The following SLC38A12 variants were observed in gnomAD, a reference collection of about 807,000 sequenced individuals.
SLC38A12 encodes the protein solute carrier family 38 member 12.
chr17:74,819,655 T>G, the SLC38A12 span: 1 of 1,238,944 alleles, frequency 8.1e-7, no homozygotes, highest in Non-Finnish European at 1.2e-6. Flanking sequence ...CGGCCTTAGC[T>G]ATGGGCGGAG....
chr17:74,795,776 T>A, the SLC38A12 span: 1 of 663,680 alleles, frequency 1.5e-6, no homozygotes, highest in Non-Finnish European at 2.6e-6. Context: ...CACTGGGGCC[T>A]TGGCCCCAGG....
the SLC38A12 span, chr17:74,838,423 C>T: frequency 9.9e-6 from 10 of 1,010,006 alleles, no homozygotes; most frequent in South Asian, 1.7e-4. Context: ...CAATTACGTT[C>T]CCTCTTGCTT....
the SLC38A12 span, among the ~76,000 whole-genome samples, chr17:74,831,825 C>T: frequency 1.3e-5 from 2 of 152,254 alleles, no homozygotes; most frequent in African/African-American, 2.4e-5. Flanking sequence ...GCAGCCTCCA[C>T]GAGGTGGGCG....
At chr17:74,826,845 G>A in the SLC38A12 span, among the ~76,000 whole-genome samples, 1 of 152,194 alleles carries the variant, frequency 6.6e-6, no homozygotes, top group Non-Finnish European at 1.5e-5. Context: ...GGCCTTGAGG[G>A]GCCTTAAAAG....
chr17:74,782,121 G>A, the SLC38A12 span, among the ~76,000 whole-genome samples: 5 of 152,162 alleles, frequency 3.3e-5, no homozygotes, highest in Non-Finnish European at 5.9e-5. Flanking sequence ...AGGCTGGAGC[G>A]CAGTGGCATG....
the SLC38A12 span, among the ~76,000 whole-genome samples, chr17:74,805,567 G>C: frequency 0.29 from 43,768 of 152,078 alleles, 6,600 homozygotes; most frequent in East Asian, 0.41. This position sits in a 1 kb window ranked among gnomAD's most constrained non-coding sequence, Gnocchi z 5.0. Context: ...CCCGCTTCAA[G>C]AGAGCTCATT....
At chr17:74,820,084 A>G in the SLC38A12 span, among the ~76,000 whole-genome samples, 3 of 152,214 alleles carry the variant, frequency 2.0e-5, no homozygotes, top group African/African-American at 7.2e-5. Context: ...GAGGTCACAT[A>G]GTGTGGATGG....
At chr17:74,835,459 C>T in the SLC38A12 span, among the ~76,000 whole-genome samples, 1 of 152,146 alleles carries the variant, frequency 6.6e-6, no homozygotes, top group Non-Finnish European at 1.5e-5. Flanking sequence ...TCTTCGTCTA[C>T]CCCCCAGCAC....
the SLC38A12 span, among the ~76,000 whole-genome samples, chr17:74,786,441 G>A: frequency 6.6e-6 from 1 of 152,266 alleles, no homozygotes; most frequent in Non-Finnish European, 1.5e-5. Flanking sequence ...AAAGATCCCT[G>A]CCTGTGCAGA....
At chr17:74,823,099 A>G in the SLC38A12 span, among the ~76,000 whole-genome samples, 8 of 152,012 alleles carry the variant, frequency 5.3e-5, no homozygotes, top group Non-Finnish European at 1.0e-4. Context: ...CAGCTGTGTG[A>G]CCGAGTCCCA....
At chr17:74,781,642 T>A in the SLC38A12 span, among the ~76,000 whole-genome samples, 1 of 152,172 alleles carries the variant, frequency 6.6e-6, no homozygotes, top group African/African-American at 2.4e-5. Context: ...AACATCATTC[T>A]CCATAAAGAA....
chr17:74,808,248 G>C, the SLC38A12 span, among the ~76,000 whole-genome samples: 1 of 152,248 alleles, frequency 6.6e-6, no homozygotes, highest in East Asian at 1.9e-4. Flanking sequence ...TGGCAGAGGA[G>C]ACAGCCCTTC....
chr17:74,776,889 C>T, the SLC38A12 span, among the ~76,000 whole-genome samples: 1 of 152,160 alleles, frequency 6.6e-6, no homozygotes, highest in Non-Finnish European at 1.5e-5. Flanking sequence ...CTTGGGCTCC[C>T]ATGTGTGGTA....
the SLC38A12 span, among the ~76,000 whole-genome samples, chr17:74,806,214 G>T: frequency 6.6e-6 from 1 of 152,160 alleles, no homozygotes; most frequent in Non-Finnish European, 1.5e-5. Flanking sequence ...CTTAGGACCT[G>T]TGAGGATCAA....
the SLC38A12 span, among the ~76,000 whole-genome samples, chr17:74,832,752 C>T: frequency 1.6e-4 from 25 of 152,370 alleles, no homozygotes; most frequent in African/African-American, 5.8e-4. Flanking sequence ...CCTGCAGCTG[C>T]GCCTGCCCCG....
the SLC38A12 span, among the ~76,000 whole-genome samples, chr17:74,812,699 G>A: frequency 3.3e-5 from 5 of 152,248 alleles, no homozygotes; most frequent in South Asian, 2.1e-4. Context: ...CTCCAAGCCC[G>A]AGTGCTCCGT....
the SLC38A12 span, among the ~76,000 whole-genome samples, chr17:74,826,883 G>A: frequency 6.6e-6 from 1 of 152,188 alleles, no homozygotes; most frequent in Non-Finnish European, 1.5e-5. Context: ...GGTAGGCGGG[G>A]GCGTAAGAGG....
chr17:74,839,232 G>T, the SLC38A12 span: 3 of 1,435,422 alleles, frequency 2.1e-6, no homozygotes, highest in African/African-American at 4.2e-5. Flanking sequence ...GAGGTGGGCA[G>T]TGGCACCATG....
the SLC38A12 span, among the ~76,000 whole-genome samples, chr17:74,796,331 G>C: frequency 1.3e-5 from 2 of 152,114 alleles, no homozygotes; most frequent in Admixed American, 1.3e-4. Context: ...CTTCCTCTTG[G>C]TCCTCCTCAG....
Sources: gnomAD v4.1 joint callset for allele counts (sites outside exome capture counted in the v4.1 genomes callset) on GRCh38, gnomAD v4.1.1 for gene constraint, Gnocchi (gnomAD v3.1) non-coding constraint, MANE v1.5 for transcripts, NCBI Gene and HGNC (gene_info 2026-07-23, HGNC 2026-07-21) for gene names.